The following FAM53B variants were observed in gnomAD, a reference collection of about 807,000 sequenced individuals.
FAM53B encodes the protein family with sequence similarity 53 member B.
A neutral mutation model predicts 32.7 loss-of-function variants in FAM53B; 12 were observed. The observed-to-expected ratio is 0.37, with a 90% confidence interval of 0.24 to 0.59. FAM53B has a LOEUF of 0.59. Ranked by LOEUF, FAM53B falls within the 20% of genes least tolerant of loss-of-function variation. The probability of loss-of-function intolerance (pLI) is 0.72; values close to 1 mark genes in which losing one functional copy is unlikely to be tolerated. For synonymous variants in FAM53B, 234 were observed against 228.7 expected (o/e 1.02, Z -0.21); for missense variants, 477 against 577.7 (o/e 0.83, Z 1.79).
At chr10:124,658,819 C>T (rs142793126) in intron 4 of FAM53B, among the ~76,000 whole-genome samples, 7 of 152,310 alleles carry the variant, frequency 4.6e-5, no homozygotes, top group Admixed American at 1.3e-4. Flanking sequence ...TCCCCGTGTC[C>T]GCCTGTCAAA....
intron 4 of FAM53B, among the ~76,000 whole-genome samples, chr10:124,630,053 C>CTGTGT (rs1949380608): frequency 6.6e-6 from 1 of 152,224 alleles, no homozygotes; most frequent in African/African-American, 2.4e-5. Flanking sequence ...TGCTGCTGCC[C>CTGTGT]AGCCACCTCC....
At chr10:124,730,265 G>A (rs1024255348) in intron 1 of FAM53B, among the ~76,000 whole-genome samples, 1 of 152,170 alleles carries the variant, frequency 6.6e-6, no homozygotes, top group African/African-American at 2.4e-5. Flanking sequence ...CATAAAAATG[G>A]GATTTCTGCA....
intron 2 of FAM53B, among the ~76,000 whole-genome samples, chr10:124,705,306 G>GGAAGGC (rs146131325): frequency 0.28 from 42,487 of 152,102 alleles, 6,907 homozygotes; most frequent in South Asian, 0.41. Flanking sequence ...GGGGCAGGAG[G>GGAAGGC]GAAGGCGGAG....
chr10:124,712,016 T>C (rs983934858), intron 1 of FAM53B, among the ~76,000 whole-genome samples: 1 of 152,160 alleles, frequency 6.6e-6, no homozygotes. Context: ...GCTATGATCA[T>C]GCTACTGCAC....
chr10:124,658,182 T>C (rs1198465598), intron 4 of FAM53B, among the ~76,000 whole-genome samples: 3 of 152,196 alleles, frequency 2.0e-5, no homozygotes, highest in African/African-American at 4.8e-5. Flanking sequence ...GGGAGGGGCT[T>C]TGCTACGCAA....
intron 4 of FAM53B, among the ~76,000 whole-genome samples, chr10:124,657,172 A>ATATGTG (rs1564869783): frequency 4.5e-5 from 1 of 22,068 alleles, no homozygotes; most frequent in Non-Finnish European, 2.1e-4. Context: ...GTATATATAT[A>ATATGTG]TGTACATATA....
At chr10:124,677,949 TCTG>T (rs1179449516) in intron 4 of FAM53B, among the ~76,000 whole-genome samples, 5 of 152,182 alleles carry the variant, frequency 3.3e-5, no homozygotes, top group African/African-American at 1.2e-4. Context: ...AACCCTGGGC[TCTG>T]AACACCGAGT....
intron 4 of FAM53B, among the ~76,000 whole-genome samples, chr10:124,635,444 C>T (rs1213436575): frequency 1.3e-5 from 2 of 152,104 alleles, no homozygotes; most frequent in Non-Finnish European, 2.9e-5. Context: ...ATAAAAATAG[C>T]CTTTAAATAT....
intron 1 of FAM53B, among the ~76,000 whole-genome samples, chr10:124,738,210 G>T (rs1950182771): frequency 6.6e-6 from 1 of 152,092 alleles, no homozygotes; most frequent in African/African-American, 2.4e-5. Flanking sequence ...CGACCCGTAG[G>T]TATGCATGGG....
chr10:124,693,863 G>A (rs1391580201), intron 3 of FAM53B, among the ~76,000 whole-genome samples: 1 of 152,164 alleles, frequency 6.6e-6, no homozygotes, highest in Non-Finnish European at 1.5e-5. Flanking sequence ...CTGAGAGAAG[G>A]GGCAGGGTCT....
At chr10:124,690,538 G>T (rs1201480417) in intron 3 of FAM53B, among the ~76,000 whole-genome samples, 1 of 152,232 alleles carries the variant, frequency 6.6e-6, no homozygotes, top group Non-Finnish European at 1.5e-5. Flanking sequence ...CCCATCAGGT[G>T]AGCCCAACCT....
intron 2 of FAM53B, among the ~76,000 whole-genome samples, chr10:124,697,887 T>C (rs924359089): frequency 5.9e-5 from 9 of 152,066 alleles, no homozygotes; most frequent in African/African-American, 2.2e-4. Flanking sequence ...TGGAAATATC[T>C]GGGAAGAATT....
chr10:124,639,772 G>C (rs551938066), intron 4 of FAM53B, among the ~76,000 whole-genome samples: 1 of 151,912 alleles, frequency 6.6e-6, no homozygotes, highest in Admixed American at 6.6e-5. Context: ...GCCTAGCTGC[G>C]TCTGAGTGAA....
At chr10:124,711,016 G>GT (rs368868599) in intron 1 of FAM53B, among the ~76,000 whole-genome samples, 43 of 152,288 alleles carry the variant, frequency 2.8e-4, no homozygotes, top group Admixed American at 4.6e-4. Context: ...ACAAATGTTT[G>GT]TAACAGCCCT....
chr10:124,626,393 C>T (rs1440616912), intron 4 of FAM53B, among the ~76,000 whole-genome samples: 3 of 145,724 alleles, frequency 2.1e-5, no homozygotes, highest in African/African-American at 2.5e-5. Flanking sequence ...TTTGTGCCCC[C>T]CCCCCCCCCA....
chr10:124,645,956 G>A (rs1036253025), intron 4 of FAM53B, among the ~76,000 whole-genome samples: 3 of 152,156 alleles, frequency 2.0e-5, no homozygotes, highest in Non-Finnish European at 2.9e-5. Context: ...GAGAAGGTGC[G>A]TCTCCTTTGC....
intron 4 of FAM53B, among the ~76,000 whole-genome samples, chr10:124,626,257 C>CT (rs1401965068): frequency 6.6e-6 from 1 of 152,252 alleles, no homozygotes; most frequent in African/African-American, 2.4e-5. Flanking sequence ...TGTGCTCACC[C>CT]TCTCGGTCCT....
intron 1 of FAM53B, among the ~76,000 whole-genome samples, chr10:124,736,432 G>C (rs1274272491): frequency 6.6e-6 from 1 of 152,268 alleles, no homozygotes; most frequent in African/African-American, 2.4e-5. Flanking sequence ...CCGGGCTCAG[G>C]AGCCAGGCTC....
intron 4 of FAM53B, among the ~76,000 whole-genome samples, chr10:124,656,573 T>G (rs1230703800): frequency 3.3e-5 from 5 of 152,200 alleles, no homozygotes; most frequent in Non-Finnish European, 7.3e-5. Context: ...CTGGAAACAG[T>G]TGGTCAAATT....
Sources: allele counts gnomAD v4.1 joint callset (sites outside exome capture counted in the v4.1 genomes callset), GRCh38; gene constraint gnomAD v4.1.1; transcripts MANE v1.5; gene names NCBI Gene and HGNC (gene_info 2026-07-23, HGNC 2026-07-21).